Variants in MTSS2 observed in about 807,000 individuals in gnomAD.
The protein encoded by MTSS2 is protein MTSS 2.
MTSS2 carries 27 observed loss-of-function variants against 67.1 expected under a neutral mutation model. The observed-to-expected ratio is 0.40, with a 90% confidence interval of 0.30 to 0.55. The LOEUF is 0.55. Among genes scored for constraint, MTSS2 ranks in the 20% least tolerant of loss-of-function variants. The probability of loss-of-function intolerance (pLI) is 0.43; values close to 1 mark genes in which losing one functional copy is unlikely to be tolerated. For missense variants in MTSS2, 1,171 were observed against 1,067.8 expected, an observed-to-expected ratio of 1.10 and a Z score of -1.35; for synonymous variants, 624 against 468.6, an observed-to-expected ratio of 1.33 and a Z score of -4.28.
At chr16:70,665,589 C>A in intron 11 of MTSS2, 49 bp from the exon 12 acceptor site, 1 of 1,492,024 alleles carries the variant, frequency 6.7e-7, no homozygotes, top group Non-Finnish European at 9.1e-7. Context: ...GGCCGGCAGG[C>A]AGCAAGGAGG....
In MTSS2 at chr16:70,680,120, A is replaced by C. The variant is rs1261180584; in HGVS notation, c.206-65T>G. 3.4e-6 allele frequency: 4 copies of C among 1,165,886 alleles called. No homozygotes were observed. In the African/African-American group the frequency reaches 6.6e-5, roughly 19 times the overall value. 72.2% of individuals were successfully genotyped at this position (1,165,886 alleles called of 1,614,324 possible). On this transcript the variant is annotated intron_variant, in intron 3 of 14. Transcript: ENST00000338779. ...GCCTGCGCAGTCCCGGCCTCGGGCCAGGAGGGGGCGCCCCGGCCGCGCAGG... is the reference window on the plus strand; with the variant it reads ...GCCTGCGCAGTCCCGGCCTCGGGCCCGGAGGGGGCGCCCCGGCCGCGCAGG...
intron 12 of MTSS2, 32 bp from the exon 13 acceptor site, chr16:70,665,128 C>G: frequency 1.3e-6 from 2 of 1,569,190 alleles, no homozygotes; most frequent in South Asian, 2.3e-5. Context: ...TCAGGGGGAC[C>G]ACTGGCCCTA....
At chr16:70,679,175 G>A in intron 7 of MTSS2, 140 bp downstream of exon 7, 1 of 1,058,544 alleles carries the variant, frequency 9.4e-7, no homozygotes, top group Non-Finnish European at 1.4e-6. Context: ...CTGTGCCCCA[G>A]GCCCCTCCCT....
At chr16:70,667,886 A>G (rs1380223872) in intron 11 of MTSS2, among the ~76,000 whole-genome samples, 3 of 151,992 alleles carry the variant, frequency 2.0e-5, no homozygotes, top group Non-Finnish European at 2.9e-5. Flanking sequence ...AAAAAAACCA[A>G]AAAACCAAAA....
At chr16:70,680,577 C>CG (rs1016246263) in intron 3 of MTSS2, among the ~76,000 whole-genome samples, 3 of 152,106 alleles carry the variant, frequency 2.0e-5, no homozygotes, top group Non-Finnish European at 4.4e-5. Flanking sequence ...AGGGAATCCC[C>CG]GGGGAACACT....
intron 11 of MTSS2, among the ~76,000 whole-genome samples, chr16:70,672,530 T>A (rs2052974906): frequency 6.6e-6 from 1 of 151,498 alleles, no homozygotes; most frequent in African/African-American, 2.4e-5. Flanking sequence ...GGTGGTTACA[T>A]AAAGTAAGAT....
chr16:70,665,278 GT>G (rs757888931), intron 12 of MTSS2, 182 bp from the exon 13 acceptor site: 9 of 918,160 alleles, frequency 9.8e-6, no homozygotes, highest in Admixed American at 2.7e-5. Context: ...AGGCCCAGGG[GT>G]AAGATGTGGC....
chr16:70,661,315 G>A lies in MTSS2; in HGVS notation c.*2362C>T, dbSNP rs573982287. 44 of 446,624 alleles carry A rather than the reference G, an allele frequency of 9.9e-5. No individual in the cohort carries two copies. The highest frequency in any genetic ancestry group is 7.2e-4 in the Middle Eastern group (2 of 2,782). The allele number at this position is 446,624 out of a possible 1,614,324, so 27.7% of individuals were successfully genotyped here. A position where few individuals can be genotyped will look rare whatever the true frequency, so the allele number is the denominator to read the frequency against. ...GATGGTGTGGAGGGGGCGGGGAGGA[G>A]AGGAGAATTTTTCCAAAATCTGACG... is the stretch of plus-strand genomic sequence containing the variant. On this transcript the variant is annotated 3_prime_UTR_variant, in exon 15 of 15. Transcript: ENST00000338779.
chr16:70,681,365 G>A (rs944754645), intron 1 of MTSS2, among the ~76,000 whole-genome samples: 9 of 152,250 alleles, frequency 5.9e-5, no homozygotes, highest in African/African-American at 2.2e-4. Context: ...TTTCCCAGGG[G>A]CCTGGCAGGG....
At chr16:70,676,285 T>C (rs370246998) in intron 10 of MTSS2, among the ~76,000 whole-genome samples, 8 of 152,250 alleles carry the variant, frequency 5.3e-5, no homozygotes, top group Non-Finnish European at 1.2e-4. Flanking sequence ...TGCGAGATCC[T>C]TGGCCTCTCC....
In MTSS2 at chr16:70,661,372, C is replaced by T. The variant is rs765136486; in HGVS notation, c.*2305G>A. 2.6e-3 allele frequency: 76 copies of T among 29,600 alleles called. No homozygotes were observed. Among genetic ancestry groups the T allele is most frequent in the East Asian group, 0.015 (9 of 596 alleles). 1.8% of individuals were successfully genotyped at this position (29,600 alleles called of 1,614,324 possible). Reference sequence around the variant, plus strand: ...AAAGAAACAAATGGTTCAGATGGGACGGAGGGTGGGGGAGGGGGGGAGGGT... The same window carrying T: ...AAAGAAACAAATGGTTCAGATGGGATGGAGGGTGGGGGAGGGGGGGAGGGT... On this transcript the variant is annotated 3_prime_UTR_variant, in exon 15 of 15. Transcript: ENST00000338779.
At chr16:70,669,259 G>C (rs1377065533) in intron 11 of MTSS2, among the ~76,000 whole-genome samples, 2 of 152,160 alleles carry the variant, frequency 1.3e-5, no homozygotes, top group African/African-American at 4.8e-5. Flanking sequence ...GATATCCGAT[G>C]AGGAACTTTA....
intron 11 of MTSS2, 170 bp from the exon 12 acceptor site, chr16:70,665,710 T>C: frequency 3.5e-6 from 2 of 579,278 alleles, no homozygotes; most frequent in South Asian, 2.1e-5. Context: ...GCTGAGTGTC[T>C]GCAGCAGCAC....
chr16:70,665,551 G>T lies in MTSS2; in HGVS notation c.1054-11C>A. 1 of 1,545,764 alleles carries T rather than the reference G, an allele frequency of 6.5e-7. No homozygotes were observed. ...AGAGCTGGAGGACTTCTGCCATGCA[G>T]AGGCCAGCAGGCGGTTGCAGACAGA... On this transcript the variant is annotated splice_polypyrimidine_tract_variant and intron_variant, in intron 11 of 14. Transcript: ENST00000338779.
At chr16:70,675,896 A>T (rs2142853268) in intron 10 of MTSS2, among the ~76,000 whole-genome samples, 1 of 152,306 alleles carries the variant, frequency 6.6e-6, no homozygotes, top group Middle Eastern at 3.4e-3. Context: ...TCTATGGCTC[A>T]CACCCTCAGC....
rs2052464349 is a variant in MTSS2 at position 70,661,435 on chromosome 16, A to AAAT, written c.*2239_*2241dup. ...GGAGGGCTGCCTGGGGTGGGGGAAT[A>AAAT]AATTAAAAAAAGGAACGAGTTAACA... On this transcript the variant is annotated 3_prime_UTR_variant, in exon 15 of 15. Coordinates refer to ENST00000338779, the MANE Select transcript of MTSS2 (RefSeq NM_138383.3). The AAAT allele has an allele frequency of 1.1e-5, 4 of 373,194 alleles. No homozygotes were observed. The highest frequency in any genetic ancestry group is 8.0e-5 in the South Asian group (4 of 50,112). 23.1% of individuals were successfully genotyped at this position (373,194 alleles called of 1,614,324 possible).
At chr16:70,668,640 AC>A (rs1302985415) in intron 11 of MTSS2, among the ~76,000 whole-genome samples, 1 of 151,932 alleles carries the variant, frequency 6.6e-6, no homozygotes, top group Admixed American at 6.6e-5. Context: ...TCAAATCTTA[AC>A]CCCCAAGATA....
chr16:70,665,092 C>G lies in MTSS2; in HGVS notation c.1133G>C (p.Trp378Ser). 1.3e-6 allele frequency: 2 copies of G among 1,593,084 alleles called. No individual in the cohort carries two copies. Among genetic ancestry groups the G allele is most frequent in the Non-Finnish European group, 1.7e-6 (2 of 1,177,296 alleles). ...CTGCTCATGGGAGCCGACCTTGGAC[C>G]AGTCCTGCAGGGAGGGTGTGGCAGG... Reference protein sequence around the residue: ...VSECSSPTSDWSKVGSHEQPS... With the variant: ...VSECSSPTSDSSKVGSHEQPS... The change falls in exon 13 of 15, where the codon TGG (tryptophan) becomes TCG (serine). Residue 378 changes from tryptophan to serine, a missense_variant. Coordinates refer to ENST00000338779, the MANE Select transcript of MTSS2 (RefSeq NM_138383.3).
intron 11 of MTSS2, among the ~76,000 whole-genome samples, chr16:70,671,276 G>C (rs1456452589): frequency 1.3e-5 from 2 of 151,742 alleles, no homozygotes; most frequent in Non-Finnish European, 2.9e-5. Context: ...GGTGGTGTGT[G>C]CCTGTAATCC....
Sources: allele counts gnomAD v4.1 joint callset (sites outside exome capture counted in the v4.1 genomes callset), GRCh38; gene constraint gnomAD v4.1.1; transcripts MANE v1.5; gene names NCBI Gene and HGNC (gene_info 2026-07-23, HGNC 2026-07-21).